The following GADL1 variants were observed in gnomAD, a reference collection of about 807,000 sequenced individuals.
GADL1 encodes the protein acidic amino acid decarboxylase GADL1.
In GADL1, 71 loss-of-function variants were observed where a neutral mutation model predicts 69.5. The observed-to-expected ratio is 1.02, with a 90% confidence interval of 0.84 to 1.25. GADL1 has a LOEUF of 1.25. Among genes scored for constraint, GADL1 ranks in the 50% most tolerant of loss-of-function variants. The pLI is 0.00. For synonymous variants in GADL1, 254 were observed against 214.4 expected (o/e 1.18, Z -1.62); for missense variants, 737 against 631.8 (o/e 1.17, Z -1.79).
At chr3:30,794,079 CTG>C (rs1227934845) in intron 12 of GADL1, among the ~76,000 whole-genome samples, 3 of 152,204 alleles carry the variant, frequency 2.0e-5, no homozygotes, top group African/African-American at 7.2e-5. Context: ...CTTCCAGACT[CTG>C]TACCTCCCAT....
intron 14 of GADL1, among the ~76,000 whole-genome samples, chr3:30,769,415 G>C (rs1696364222): frequency 6.6e-6 from 1 of 152,042 alleles, no homozygotes; most frequent in African/African-American, 2.4e-5. Flanking sequence ...TACCTCCTTA[G>C]GTTACGCAAA....
At chr3:30,823,911 G>A (rs1016377357) in intron 11 of GADL1, among the ~76,000 whole-genome samples, 1 of 151,794 alleles carries the variant, frequency 6.6e-6, no homozygotes, top group African/African-American at 2.4e-5. Context: ...TTCAAGATAG[G>A]TCAGAAGAAA....
chr3:30,845,223 C>G (rs544139634), intron 6 of GADL1, among the ~76,000 whole-genome samples: 1 of 152,138 alleles, frequency 6.6e-6, no homozygotes, highest in Non-Finnish European at 1.5e-5. Context: ...TAAGTCTGGT[C>G]TATTTCTTAT....
intron 4 of GADL1, among the ~76,000 whole-genome samples, chr3:30,852,145 G>C (rs940627214): frequency 2.6e-5 from 4 of 152,086 alleles, no homozygotes; most frequent in African/African-American, 9.7e-5. Context: ...ATAAAAGCTG[G>C]TCACCTACTA....
intron 11 of GADL1, among the ~76,000 whole-genome samples, chr3:30,809,551 C>T (rs1013654224): frequency 3.3e-5 from 5 of 152,128 alleles, no homozygotes; most frequent in Non-Finnish European, 7.4e-5. Context: ...AGCTATCTTT[C>T]CCATTCCAGT....
chr3:30,743,595 C>T (rs1314284956), intron 14 of GADL1, among the ~76,000 whole-genome samples: 1 of 152,152 alleles, frequency 6.6e-6, no homozygotes, highest in Non-Finnish European at 1.5e-5. Context: ...GAGGAGTGGG[C>T]TGGTGAGGTA....
intron 14 of GADL1, among the ~76,000 whole-genome samples, chr3:30,765,351 A>G (rs1696244537): frequency 1.3e-5 from 2 of 152,174 alleles, no homozygotes; most frequent in African/African-American, 4.8e-5. Flanking sequence ...ATTCTGTAAA[A>G]CTACAGGTGG....
chr3:30,787,297 C>T (rs1305515639), intron 12 of GADL1, among the ~76,000 whole-genome samples: 1 of 152,108 alleles, frequency 6.6e-6, no homozygotes, highest in Admixed American at 6.6e-5. Context: ...AGAATTGTCA[C>T]ACCTAAGTAA....
intron 14 of GADL1, among the ~76,000 whole-genome samples, chr3:30,752,912 T>C (rs991943179): frequency 3.3e-5 from 5 of 152,104 alleles, no homozygotes; most frequent in Non-Finnish European, 7.3e-5. Flanking sequence ...GGCAAGCTGG[T>C]AGGGCTTCTG....
intron 14 of GADL1, among the ~76,000 whole-genome samples, chr3:30,736,411 A>T (rs761333242): frequency 1.3e-5 from 2 of 152,192 alleles, no homozygotes; most frequent in Non-Finnish European, 2.9e-5. Context: ...TATGTGGACT[A>T]AATGAAATAA....
intron 13 of GADL1, among the ~76,000 whole-genome samples, chr3:30,779,629 CTG>C (rs1325721799): frequency 1.3e-5 from 2 of 152,168 alleles, no homozygotes; most frequent in Non-Finnish European, 2.9e-5. Context: ...CTAGGATAGA[CTG>C]TACTGAACTC....
At chr3:30,776,618 G>GGT (rs1696546123) in intron 14 of GADL1, among the ~76,000 whole-genome samples, 2 of 152,178 alleles carry the variant, frequency 1.3e-5, no homozygotes, top group African/African-American at 4.8e-5. Flanking sequence ...TTATGTTACA[G>GGT]GTTAGGAGGT....
rs1302916413 is a variant in GADL1, at chr3:30,883,747, TTAA to T, written c.37+10828_37+10830del. Among the ~76,000 whole-genome samples, 4 of 152,156 alleles carry T rather than the reference TTAA, an allele frequency of 2.6e-5. No individual in the cohort carries two copies. The East Asian group carries it at 5.8e-4, about 22-fold the overall frequency. On this transcript the variant is annotated intron_variant, in intron 1 of 14. Coordinates refer to ENST00000282538, the MANE Select transcript of GADL1 (RefSeq NM_207359.3). ...TATTGCTCTGGGTAGCATGGACGTC[TTAA>T]TAATACAATTTTCTAATCCATGAAC...
intron 14 of GADL1, among the ~76,000 whole-genome samples, chr3:30,752,106 CCA>C (rs59521743): frequency 0.1 from 15,757 of 152,142 alleles, 2,264 homozygotes; most frequent in African/African-American, 0.33. Context: ...GTTTCTCATT[CCA>C]CACACACAGT....
At chr3:30,818,002 C>T (rs572741277) in intron 11 of GADL1, among the ~76,000 whole-genome samples, 106 of 152,234 alleles carry the variant, frequency 7.0e-4, no homozygotes, top group Non-Finnish European at 9.1e-4. Context: ...ATTTAAAATT[C>T]GGCAATCTGC....
intron 14 of GADL1, among the ~76,000 whole-genome samples, chr3:30,762,644 T>A (rs1487509320): frequency 1.3e-5 from 2 of 152,192 alleles, no homozygotes; most frequent in African/African-American, 4.8e-5. Context: ...CTTTTTAAGT[T>A]ATTTAAAAAT....
At chr3:30,826,733 A>T (rs1473176954) in intron 11 of GADL1, among the ~76,000 whole-genome samples, 1 of 151,858 alleles carries the variant, frequency 6.6e-6, no homozygotes, top group Non-Finnish European at 1.5e-5. Flanking sequence ...TAGAAAAGCA[A>T]GTATCTCTTC....
In GADL1 at chr3:30,845,449, TAA is replaced by T. The variant is rs978799349; in HGVS notation, c.652-985_652-984del. ...TAGTAATTTGTAGGTATGAATACAT[TAA>T]AAGAGTAGTCATGCCTTCACACTTC... On this transcript the variant is annotated intron_variant, in intron 6 of 14. Coordinates refer to ENST00000282538, the MANE Select transcript of GADL1 (RefSeq NM_207359.3). 4.1e-4 allele frequency among the ~76,000 whole-genome samples: 63 copies of T among 152,170 alleles called. 2 individuals are homozygous for T. Among genetic ancestry groups the T allele is most frequent in the African/African-American group, 1.5e-3 (61 of 41,442 alleles).
intron 14 of GADL1, among the ~76,000 whole-genome samples, chr3:30,763,396 G>C (rs1156470506): frequency 1.5e-5 from 2 of 136,734 alleles, no homozygotes; most frequent in Non-Finnish European, 3.2e-5. Context: ...CCAGCTACTT[G>C]GGAGGATGAG....
Sources: gnomAD v4.1 joint callset for allele counts (sites outside exome capture counted in the v4.1 genomes callset) on GRCh38, gnomAD v4.1.1 for gene constraint, MANE v1.5 for transcripts, NCBI Gene and HGNC (gene_info 2026-07-23, HGNC 2026-07-21) for gene names.